The following STAB2 variants were observed in gnomAD, a reference collection of about 807,000 sequenced individuals.
The protein encoded by STAB2 is stabilin 2.
Under a neutral mutation model 338.1 loss-of-function variants are expected in STAB2, and 288 were observed. That is an observed-to-expected ratio of 0.85 (90% CI 0.77 to 0.94). STAB2 has a LOEUF of 0.94. Ranked by LOEUF, STAB2 falls within the 40% of genes least tolerant of loss-of-function variation. STAB2 has a pLI of 0.00. For missense variants in STAB2, 3,141 were observed against 3,210.1 expected, an observed-to-expected ratio of 0.98 and a Z score of 0.52; for synonymous variants, 1,202 against 1,193.3, an observed-to-expected ratio of 1.01 and a Z score of -0.15.
intron 24 of STAB2, 76 bp from the exon 25 acceptor site, chr12:103,677,377 A>C: frequency 7.1e-7 from 1 of 1,418,032 alleles, no homozygotes; most frequent in South Asian, 1.4e-5. Context: ...ATATGTCTGG[A>C]AATTCTCTCT....
chr12:103,750,372 A>C (rs921260632), intron 59 of STAB2, among the ~76,000 whole-genome samples: 11 of 152,238 alleles, frequency 7.2e-5, no homozygotes, highest in African/African-American at 2.4e-4. Flanking sequence ...TGAGGAAGTC[A>C]CATTTGAACT....
At chr12:103,670,891 G>T in intron 22 of STAB2, 84 bp downstream of exon 22, 1 of 1,109,474 alleles carries the variant, frequency 9.0e-7, no homozygotes, top group Non-Finnish European at 1.3e-6. Context: ...CAGGGCTGGT[G>T]TCTCAGGACC....
At position 103,713,766 on chromosome 12, in the gene STAB2, TGGGTA is replaced by T; in HGVS notation, c.4537+1_4537+5del. On this transcript the variant is annotated splice_donor_variant and splice_donor_region_variant and coding_sequence_variant and intron_variant, in exon 42 of 69. Transcript: ENST00000388887. LOFTEE classifies it high-confidence loss of function. Reference sequence around the variant, plus strand: ...TACACGGGTGATGGCATTGTGTGCCTGGGTAGGTGTCCTTCCCTCTTCCATCGGCG... The same window carrying T: ...TACACGGGTGATGGCATTGTGTGCCTGGTGTCCTTCCCTCTTCCATCGGCG... The T allele has an allele frequency of 6.2e-7, 1 of 1,613,742 alleles. No individual in the cohort carries two copies. Among genetic ancestry groups the T allele is most frequent in the Non-Finnish European group, 8.5e-7 (1 of 1,179,754 alleles).
At position 103,706,997 on chromosome 12, in the gene STAB2, G is replaced by C. The variant is rs66517507; in HGVS notation, c.4192+10G>C. ...ATCCACTGTGACCAAGGTGAGCACCGTCCTCTCCACAGAGGATCTTGGGCT... is the reference window on the plus strand; with the variant it reads ...ATCCACTGTGACCAAGGTGAGCACCCTCCTCTCCACAGAGGATCTTGGGCT... On this transcript the variant is annotated intron_variant, in intron 38 of 68. Transcript: ENST00000388887. The C allele has an allele frequency of 2.2e-5, 35 of 1,613,216 alleles. No individual in the cohort carries two copies. The South Asian group carries it at 3.8e-4, about 18-fold the overall frequency.
In STAB2 at chr12:103,755,757, G is replaced by A. The variant is rs559512311; in HGVS notation, c.6987+39G>A. The stretch of plus-strand genomic sequence containing the variant: ...CTGCTTGGTTTGCCTCAGGCAGGGA[G>A]GGGTTGCCTCAAAGCAGGTATTAGA... On this transcript the variant is annotated intron_variant, in intron 63 of 68. Coordinates refer to ENST00000388887, the MANE Select transcript of STAB2 (RefSeq NM_017564.10). 53 of 1,604,596 alleles carry A rather than the reference G, an allele frequency of 3.3e-5. No individual in the cohort carries two copies. The East Asian group carries it at 9.8e-4, about 30-fold the overall frequency.
chr12:103,626,901 C>T (rs1957389192), intron 5 of STAB2, among the ~76,000 whole-genome samples: 1 of 152,232 alleles, frequency 6.6e-6, no homozygotes, highest in South Asian at 2.1e-4. Context: ...CCCCAGCCTG[C>T]TCAGTGCCTC....
At chr12:103,654,862 G>A (rs1874061950) in intron 13 of STAB2, 164 bp downstream of exon 13, 5 of 864,464 alleles carry the variant, frequency 5.8e-6, no homozygotes, top group Non-Finnish European at 6.8e-6. Flanking sequence ...TAGAAACCTG[G>A]GAATCTCTGC....
chr12:103,680,898 C>T (rs1426157988), intron 25 of STAB2, among the ~76,000 whole-genome samples: 1 of 152,256 alleles, frequency 6.6e-6, no homozygotes, highest in African/African-American at 2.4e-5. Context: ...TCCAACACTT[C>T]TCAAGTGCCT....
intron 5 of STAB2, among the ~76,000 whole-genome samples, chr12:103,631,387 A>T (rs553927433): frequency 6.6e-6 from 1 of 151,846 alleles, no homozygotes; most frequent in South Asian, 2.1e-4. Context: ...ACATTATGTT[A>T]CTTGACTCTA....
intron 44 of STAB2, among the ~76,000 whole-genome samples, chr12:103,720,443 A>ACTGGTAGAG (rs1880673071): frequency 6.6e-6 from 1 of 152,168 alleles, no homozygotes; most frequent in South Asian, 2.1e-4. Flanking sequence ...ATCTACTCCA[A>ACTGGTAGAG]CTGACTGGTG....
intron 35 of STAB2, among the ~76,000 whole-genome samples, chr12:103,703,742 G>T (rs1566030065): frequency 6.6e-6 from 1 of 152,172 alleles, no homozygotes; most frequent in Non-Finnish European, 1.5e-5. Context: ...GATAATGGAG[G>T]CTTTTCATGC....
chr12:103,695,709 C>G (rs777281164), intron 32 of STAB2, 28 bp from the exon 33 acceptor site: 1 of 1,614,070 alleles, frequency 6.2e-7, no homozygotes, highest in Non-Finnish European at 8.5e-7. Context: ...AGGAATCCCT[C>G]ATGCACTCTT....
intron 9 of STAB2, among the ~76,000 whole-genome samples, chr12:103,643,955 G>A (rs1873126539): frequency 1.2e-5 from 1 of 85,250 alleles, no homozygotes; most frequent in Non-Finnish European, 2.6e-5. Flanking sequence ...CGGGAGGTGA[G>A]GGGCGCCTCT....
At chr12:103,668,889 ACT>A (rs1271550298) in intron 20 of STAB2, 160 bp downstream of exon 20, 2 of 614,636 alleles carry the variant, frequency 3.3e-6, no homozygotes, top group East Asian at 5.8e-5. Flanking sequence ...TGGTGGCCAG[ACT>A]CTGTCCTTTC....
intron 36 of STAB2, 55 bp downstream of exon 36, chr12:103,704,669 T>C: frequency 1.3e-6 from 2 of 1,509,190 alleles, no homozygotes; most frequent in Non-Finnish European, 1.8e-6. Flanking sequence ...GAGTCCCAAT[T>C]AGAAAATGAA....
chr12:103,625,848 A>G (rs1165309488), intron 5 of STAB2, among the ~76,000 whole-genome samples: 1 of 152,158 alleles, frequency 6.6e-6, no homozygotes, highest in African/African-American at 2.4e-5. Context: ...TAGCAGCATG[A>G]TTTATAATCC....
chr12:103,705,731 A>G lies in STAB2; in HGVS notation c.3996+4A>G, dbSNP rs1331037177. 5 of 1,613,836 alleles carry G rather than the reference A, an allele frequency of 3.1e-6. No individual in the cohort carries two copies. The highest frequency in any genetic ancestry group is 4.2e-6 in the Non-Finnish European group (5 of 1,179,702). ...AAAATGTGTGAGAACCGTCATTGTG[A>G]GTACAATAATTGAATCATACTAACT... On this transcript the variant is annotated splice_donor_region_variant and intron_variant, in intron 37 of 68. Coordinates refer to ENST00000388887, the MANE Select transcript of STAB2 (RefSeq NM_017564.10).
chr12:103,690,571 A>C (rs771528391), intron 30 of STAB2, 33 bp downstream of exon 30: 3 of 1,568,772 alleles, frequency 1.9e-6, no homozygotes, highest in Non-Finnish European at 8.7e-7. Flanking sequence ...GTTTACTTGA[A>C]ACATAACAGC....
chr12:103,653,531 C>CATGGATGG (rs200766638), intron 12 of STAB2, among the ~76,000 whole-genome samples: 49 of 149,466 alleles, frequency 3.3e-4, no homozygotes, highest in South Asian at 1.1e-3. Context: ...ATGGATGATG[C>CATGGATGG]ATGGATGGAT....
Sources: allele counts gnomAD v4.1 joint callset (sites outside exome capture counted in the v4.1 genomes callset), GRCh38; gene constraint gnomAD v4.1.1; transcripts MANE v1.5; gene names NCBI Gene and HGNC (gene_info 2026-07-23, HGNC 2026-07-21).